EPHB2: variants seen among roughly 807,000 people sequenced by gnomAD.
The protein encoded by EPHB2 is ephrin type-B receptor 2.
EPHB2 carries 18 observed loss-of-function variants against 96.4 expected under a neutral mutation model. The ratio of observed to expected loss-of-function variants is 0.19; its 90% CI spans 0.13 to 0.28. EPHB2 has a LOEUF of 0.28. Ranked by LOEUF, EPHB2 falls within the 10% of genes least tolerant of loss-of-function variation. The pLI, the probability that EPHB2 is intolerant of heterozygous loss-of-function variation, is 1.00. For synonymous variants in EPHB2, 506 were observed against 534.1 expected (o/e 0.95, Z 0.72); for missense variants, 989 against 1,355.4 (o/e 0.73, Z 4.25).
At chr1:22,748,641 A>C (rs1426758008) in intron 1 of EPHB2, among the ~76,000 whole-genome samples, 2 of 151,472 alleles carry the variant, frequency 1.3e-5, no homozygotes, top group African/African-American at 4.8e-5. Context: ...CGGCCTCCCA[A>C]AGTGCTGAGA....
rs116681626 is a variant in EPHB2, at chr1:22,790,841, C to T, written c.811+5765C>T. The stretch of plus-strand genomic sequence containing the variant: ...GGGTGGTTGCACGCACATGTTGATT[C>T]GCTGGCTCCAGCTCAGACTCCCCAG... On this transcript the variant is annotated intron_variant, in intron 3 of 15. Transcript: ENST00000374630. The surrounding 1 kb of genome is among the most constrained non-coding windows in gnomAD (Gnocchi z 4.0). Among the ~76,000 whole-genome samples the T allele has an allele frequency of 8.8e-4, 134 of 152,320 alleles. No homozygotes were observed. Among genetic ancestry groups the T allele is most frequent in the African/African-American group, 3.1e-3 (130 of 41,570 alleles).
chr1:22,727,794 A>C (rs1184236860), intron 1 of EPHB2, among the ~76,000 whole-genome samples: 2 of 134,912 alleles, frequency 1.5e-5, no homozygotes, highest in East Asian at 2.2e-4. Context: ...AAAAAAAAAA[A>C]ACAAAAAAAA....
chr1:22,753,551 A>C (rs1644098016), intron 1 of EPHB2, among the ~76,000 whole-genome samples: 1 of 152,174 alleles, frequency 6.6e-6, no homozygotes, highest in Admixed American at 6.5e-5. Context: ...CCATGAGCCG[A>C]GTCGGAAGGG....
chr1:22,848,064 T>A (rs1171809783), intron 3 of EPHB2, among the ~76,000 whole-genome samples: 1 of 152,192 alleles, frequency 6.6e-6, no homozygotes, highest in African/African-American at 2.4e-5. Flanking sequence ...AAAGTGATCA[T>A]TGAGAAACAG....
intron 1 of EPHB2, among the ~76,000 whole-genome samples, chr1:22,766,912 C>T (rs1432211890): frequency 2.6e-5 from 4 of 152,234 alleles, no homozygotes. Context: ...ACTGACTGGG[C>T]AGGGCACTGG....
At chr1:22,822,304 G>A (rs879013727) in intron 3 of EPHB2, among the ~76,000 whole-genome samples, 7 of 150,742 alleles carry the variant, frequency 4.6e-5, no homozygotes, top group Admixed American at 2.7e-4. Flanking sequence ...GCAACATGGC[G>A]AAACCCCATC....
At chr1:22,873,853 C>T (rs935729637) in intron 5 of EPHB2, among the ~76,000 whole-genome samples, 1 of 152,194 alleles carries the variant, frequency 6.6e-6, no homozygotes, top group African/African-American at 2.4e-5. Flanking sequence ...TTATATTTCA[C>T]GGCCACTTCT....
intron 6 of EPHB2, among the ~76,000 whole-genome samples, chr1:22,885,296 G>A (rs1048963858): frequency 4.6e-5 from 7 of 152,232 alleles, no homozygotes; most frequent in African/African-American, 1.4e-4. Context: ...GACGGGCAAC[G>A]GAAATGAGGA....
At chr1:22,874,565 C>T (rs1055421789) in intron 5 of EPHB2, among the ~76,000 whole-genome samples, 1 of 152,220 alleles carries the variant, frequency 6.6e-6, no homozygotes, top group Admixed American at 6.5e-5. Flanking sequence ...ACCTGGGTCC[C>T]CATCTCAGCC....
rs113034010 is a variant in EPHB2 at position 22,755,195 on chromosome 1, G to T, written c.62-26226G>T. On this transcript the variant is annotated intron_variant, in intron 1 of 15. Coordinates refer to ENST00000374630, the MANE Select transcript of EPHB2 (RefSeq NM_017449.5). ...ATGCCGTCCTAGAATACAGTGTCAGGTGCCACTAAATCCTCTTGCAGATGG... is the reference window on the plus strand; with the variant it reads ...ATGCCGTCCTAGAATACAGTGTCAGTTGCCACTAAATCCTCTTGCAGATGG... Among the ~76,000 whole-genome samples the T allele has an allele frequency of 2.0e-5, 3 of 152,198 alleles. 1 individual carries two copies. Among genetic ancestry groups the T allele is most frequent in the African/African-American group, 7.2e-5 (3 of 41,490 alleles).
chr1:22,791,471 C>CTTTTTT (rs55650452), intron 3 of EPHB2, among the ~76,000 whole-genome samples: 9 of 92,880 alleles, frequency 9.7e-5, no homozygotes, highest in Admixed American at 3.6e-4. Flanking sequence ...TTCTTTCTTT[C>CTTTTTT]TTTTTTTTTT....
intron 3 of EPHB2, among the ~76,000 whole-genome samples, chr1:22,821,394 C>T (rs1240447298): frequency 6.6e-6 from 1 of 152,122 alleles, no homozygotes; most frequent in Non-Finnish European, 1.5e-5. Flanking sequence ...CTTCCATCAG[C>T]ATTATTCTAA....
intron 3 of EPHB2, among the ~76,000 whole-genome samples, chr1:22,849,007 G>A (rs1395974956): frequency 1.3e-5 from 2 of 152,132 alleles, no homozygotes; most frequent in African/African-American, 4.8e-5. Context: ...CAACATCATA[G>A]CACTGTTAGA....
At chr1:22,895,657 C>A in intron 8 of EPHB2, 77 bp downstream of exon 8, 1 of 1,343,952 alleles carries the variant, frequency 7.4e-7, no homozygotes, top group Non-Finnish European at 1.1e-6. Flanking sequence ...CATCCCTCTA[C>A]AGTGCTGGTG....
In EPHB2 at chr1:22,843,341, G is replaced by GT. The variant is rs200262102; in HGVS notation, c.812-19688dup. 8.3e-3 allele frequency among the ~76,000 whole-genome samples: 1,268 copies of GT among 152,030 alleles called. 18 individuals are homozygous for GT. The highest frequency in any genetic ancestry group is 0.028 in the African/African-American group (1,177 of 41,466). Reference sequence around the variant, plus strand: ...TCTAAGTCCTTGCTCTTGCCACTGTGTTTTTTTTCTCCTAACTTTTATTTT... The same window carrying GT: ...TCTAAGTCCTTGCTCTTGCCACTGTGTTTTTTTTTCTCCTAACTTTTATTTT... On this transcript the variant is annotated intron_variant, in intron 3 of 15. Coordinates refer to ENST00000374630, the MANE Select transcript of EPHB2 (RefSeq NM_017449.5).
At chr1:22,829,310 C>T (rs990091157) in intron 3 of EPHB2, among the ~76,000 whole-genome samples, 4 of 152,236 alleles carry the variant, frequency 2.6e-5, no homozygotes, top group Admixed American at 6.5e-5. Flanking sequence ...CACACCCAGC[C>T]GGGAGAGGCT....
intron 1 of EPHB2, among the ~76,000 whole-genome samples, chr1:22,742,797 T>TA (rs1643920047): frequency 6.6e-6 from 1 of 151,884 alleles, no homozygotes; most frequent in Admixed American, 6.6e-5. Context: ...CTTTCTTTTC[T>TA]AAGTGCTTTG....
At chr1:22,805,493 C>T (rs1490661221) in intron 3 of EPHB2, among the ~76,000 whole-genome samples, 1 of 152,150 alleles carries the variant, frequency 6.6e-6, no homozygotes, top group Non-Finnish European at 1.5e-5. Flanking sequence ...GACCTCCCTC[C>T]CACTGCCTGA....
At chr1:22,894,289 TCAGTGAGA>T (rs1163420250) in intron 7 of EPHB2, among the ~76,000 whole-genome samples, 3 of 152,118 alleles carry the variant, frequency 2.0e-5, no homozygotes, top group Admixed American at 2.0e-4. Context: ...CCTGTTCTGG[TCAGTGAGA>T]CAGTTGAGAA....
Sources: allele counts gnomAD v4.1 joint callset (sites outside exome capture counted in the v4.1 genomes callset), GRCh38; gene constraint gnomAD v4.1.1; non-coding constraint Gnocchi (gnomAD v3.1); transcripts MANE v1.5; gene names NCBI Gene and HGNC (gene_info 2026-07-23, HGNC 2026-07-21).